The following MARCHF10 variants were observed in gnomAD, a reference collection of about 807,000 sequenced individuals.
MARCHF10 encodes probable E3 ubiquitin-protein ligase MARCHF10.
A neutral mutation model predicts 76.2 loss-of-function variants in MARCHF10; 64 were observed. The ratio of observed to expected loss-of-function variants is 0.84; its 90% CI spans 0.69 to 1.03. MARCHF10 has a LOEUF of 1.03. Among genes scored for constraint, MARCHF10 ranks in the 50% least tolerant of loss-of-function variants. MARCHF10 has a pLI of 0.00. For missense variants in MARCHF10, 875 were observed against 958.0 expected, an observed-to-expected ratio of 0.91 and a Z score of 1.14; for synonymous variants, 340 against 357.5, an observed-to-expected ratio of 0.95 and a Z score of 0.55.
chr17:62,727,021 T>G (rs2090789313), intron 6 of MARCHF10, among the ~76,000 whole-genome samples: 1 of 152,194 alleles, frequency 6.6e-6, no homozygotes, highest in Non-Finnish European at 1.5e-5. Context: ...TAAATGACCA[T>G]CAGGTTCACC....
chr17:62,744,079 GCAGCTGTA>G (rs1207764128), intron 5 of MARCHF10, among the ~76,000 whole-genome samples: 1 of 152,044 alleles, frequency 6.6e-6, no homozygotes, highest in Non-Finnish European at 1.5e-5. Context: ...GCCCTCTGGA[GCAGCTGTA>G]CAGCTGGTGT....
chr17:62,719,773 C>T (rs1287198568), intron 8 of MARCHF10, among the ~76,000 whole-genome samples: 1 of 152,078 alleles, frequency 6.6e-6, no homozygotes, highest in African/African-American at 2.4e-5. Context: ...TCTCTTTATT[C>T]TCCTTCTGGG....
Position 62,712,936 on chromosome 17 carries a change from G to C in MARCHF10, c.2215-1592C>G, listed in dbSNP as rs188559298. Among the ~76,000 whole-genome samples the C allele has an allele frequency of 6.6e-6, 1 of 152,124 alleles. No individual in the cohort carries two copies. Among genetic ancestry groups the C allele is most frequent in the Non-Finnish European group, 1.5e-5 (1 of 67,984 alleles). ...ATTTTTGTATTTTTAGTAGAGATGGGGTTTCATCATGTTGGCCAGGCTGGT... is the reference window on the plus strand; with the variant it reads ...ATTTTTGTATTTTTAGTAGAGATGGCGTTTCATCATGTTGGCCAGGCTGGT... On this transcript the variant is annotated intron_variant, in intron 8 of 10. Coordinates refer to ENST00000311269, the MANE Select transcript of MARCHF10 (RefSeq NM_152598.4). The surrounding 1 kb of genome is among the most constrained non-coding windows in gnomAD (Gnocchi z 4.2).
chr17:62,711,391 T>C lies in MARCHF10; in HGVS notation c.2215-47A>G. On this transcript the variant is annotated intron_variant, in intron 8 of 10. Coordinates refer to ENST00000311269, the MANE Select transcript of MARCHF10 (RefSeq NM_152598.4). The surrounding 1 kb of genome is among the most constrained non-coding windows in gnomAD (Gnocchi z 4.4). ...CTTCAGTTCATCTGTAAAATAGTCA[T>C]GGTCTAAATTGTGGGATGCAGGGTA... is the stretch of plus-strand genomic sequence containing the variant. The C allele has an allele frequency of 6.4e-7, 1 of 1,568,232 alleles. No individual in the cohort carries two copies. The highest frequency in any genetic ancestry group is 8.8e-7 in the Non-Finnish European group (1 of 1,139,946).
intron 1 of MARCHF10, among the ~76,000 whole-genome samples, chr17:62,804,038 C>G (rs1013313331): frequency 2.6e-5 from 4 of 152,096 alleles, no homozygotes; most frequent in African/African-American, 9.7e-5. Flanking sequence ...GCTCCAGTAC[C>G]CACACTCTTA....
At chr17:62,718,043 A>G (rs2090305804) in intron 8 of MARCHF10, among the ~76,000 whole-genome samples, 1 of 151,966 alleles carries the variant, frequency 6.6e-6, no homozygotes, top group African/African-American at 2.4e-5. Flanking sequence ...AAGTCAGTCG[A>G]GCGTCTCTGT....
chr17:62,732,380 GAC>G (rs774029974), intron 6 of MARCHF10, among the ~76,000 whole-genome samples: 1 of 152,302 alleles, frequency 6.6e-6, no homozygotes, highest in East Asian at 1.9e-4. Context: ...ATTAGGGAAA[GAC>G]AACAAAAGAC....
At chr17:62,741,986 C>T (rs1336135709) in intron 5 of MARCHF10, among the ~76,000 whole-genome samples, 10 of 151,784 alleles carry the variant, frequency 6.6e-5, no homozygotes, top group Admixed American at 1.3e-4. Context: ...GCATGAGCCA[C>T]CGCGCCCAGC....
chr17:62,792,060 T>A (rs2092853158), intron 2 of MARCHF10, among the ~76,000 whole-genome samples: 5 of 152,012 alleles, frequency 3.3e-5, no homozygotes, highest in Admixed American at 3.3e-4. Flanking sequence ...AGGCTTCAGG[T>A]AACTTTTTAT....
At chr17:62,737,400 A>G in intron 5 of MARCHF10, 68 bp from the exon 6 acceptor site, 4 of 1,484,208 alleles carry the variant, frequency 2.7e-6, no homozygotes, top group Admixed American at 2.1e-5. Flanking sequence ...CTCTAGCACC[A>G]AGTGCAAAAT....
chr17:62,798,695 G>A (rs1042563744), intron 2 of MARCHF10, among the ~76,000 whole-genome samples: 2 of 152,182 alleles, frequency 1.3e-5, no homozygotes, highest in African/African-American at 4.8e-5. Context: ...TCTGGGATGA[G>A]GCAGGAAGAA....
At chr17:62,740,848 G>A (rs1347854139) in intron 5 of MARCHF10, among the ~76,000 whole-genome samples, 2 of 151,922 alleles carry the variant, frequency 1.3e-5, no homozygotes, top group East Asian at 3.9e-4. Flanking sequence ...GTCTGGTCTT[G>A]AACCTCTGGC....
chr17:62,794,568 C>T (rs970921359), intron 2 of MARCHF10, among the ~76,000 whole-genome samples: 1 of 152,206 alleles, frequency 6.6e-6, no homozygotes, highest in Non-Finnish European at 1.5e-5. Context: ...GAAGCCGCTT[C>T]TCTTCGACAT....
At chr17:62,714,504 C>T in intron 8 of MARCHF10, 1 of 726,194 alleles carries the variant, frequency 1.4e-6, no homozygotes, top group Non-Finnish European at 1.7e-6. Flanking sequence ...GAGGGCAAGA[C>T]CTGCATCTGT....
intron 4 of MARCHF10, among the ~76,000 whole-genome samples, chr17:62,756,180 G>A (rs777430505): frequency 2.2e-4 from 33 of 152,208 alleles, no homozygotes; most frequent in East Asian, 2.1e-3. Context: ...TCCGGGAGGC[G>A]GAGGTTGCCG....
chr17:62,705,043 G>A, intron 10 of MARCHF10: 1 of 999,764 alleles, frequency 1.0e-6, no homozygotes, highest in South Asian at 4.4e-5. Context: ...GCCCTTTCTT[G>A]GGAGACCTGT....
chr17:62,730,920 A>AACG (rs1378365336), intron 6 of MARCHF10, among the ~76,000 whole-genome samples: 2 of 145,388 alleles, frequency 1.4e-5, no homozygotes, highest in African/African-American at 5.0e-5. Flanking sequence ...CAACAACGAC[A>AACG]ACAACAAAAA....
chr17:62,714,300 G>T, intron 8 of MARCHF10: 2 of 743,780 alleles, frequency 2.7e-6, no homozygotes, highest in Non-Finnish European at 3.3e-6. Context: ...GTGACTTTAG[G>T]CAGAGTTTTA....
At chr17:62,802,337 A>G (rs2093088143) in intron 1 of MARCHF10, among the ~76,000 whole-genome samples, 1 of 152,060 alleles carries the variant, frequency 6.6e-6, no homozygotes, top group African/African-American at 2.4e-5. Flanking sequence ...CTCTTGCCTC[A>G]GCCTCCCTAG....
Sources: gnomAD v4.1 joint callset for allele counts (sites outside exome capture counted in the v4.1 genomes callset) on GRCh38, gnomAD v4.1.1 for gene constraint, Gnocchi (gnomAD v3.1) non-coding constraint, MANE v1.5 for transcripts, NCBI Gene and HGNC (gene_info 2026-07-23, HGNC 2026-07-21) for gene names.